Variants in WDR27 observed in about 807,000 individuals in gnomAD.
WDR27 encodes WD repeat-containing protein 27.
A neutral mutation model predicts 114.4 loss-of-function variants in WDR27; 100 were observed. The ratio of observed to expected loss-of-function variants is 0.87; its 90% CI spans 0.74 to 1.03. The LOEUF (loss-of-function observed/expected upper bound fraction) is 1.03, where lower values mean the gene tolerates loss of function less well. WDR27 is among the 50% of genes least tolerant of loss of function. The pLI is 0.00. For synonymous variants in WDR27, 449 were observed against 423.1 expected (o/e 1.06, Z -0.75); for missense variants, 1,129 against 1,092.9 (o/e 1.03, Z -0.47).
At chr6:169,617,284 T>C (rs746500229) in intron 21 of WDR27, among the ~76,000 whole-genome samples, 1 of 152,184 alleles carries the variant, frequency 6.6e-6, no homozygotes, top group Non-Finnish European at 1.5e-5. Context: ...ATAGGCAAGC[T>C]TGAGGAGGCG....
chr6:169,658,296 G>C lies in WDR27; in HGVS notation c.1382C>G (p.Ala461Gly). ...CTGACCACGTCGCTGTTCACTAGCA[G>C]CCTTGGTACTCTTCTCCTTGGCAAT... is the stretch of plus-strand genomic sequence containing the variant. ...LGIAKEKSTKAASEQRRAARN... is the reference protein window; with the variant it reads ...LGIAKEKSTKGASEQRRAARN... The change falls in exon 13 of 26, where the codon GCT becomes GGT. Residue 461 changes from alanine (A) to glycine (G), a missense_variant. Physicochemically the swap from Ala to Gly is moderately conservative, Grantham distance 60 (BLOSUM62 0). Coordinates refer to ENST00000448612, the MANE Select transcript of WDR27 (RefSeq NM_182552.5). 1 of 1,601,706 alleles carries C rather than the reference G, an allele frequency of 6.2e-7. No individual in the cohort carries two copies. The highest frequency in any genetic ancestry group is 2.2e-5 in the East Asian group (1 of 44,578).
intron 17 of WDR27, among the ~76,000 whole-genome samples, chr6:169,642,290 A>G (rs1584827556): frequency 6.6e-6 from 1 of 151,030 alleles, no homozygotes; most frequent in Non-Finnish European, 1.5e-5. Context: ...TGAGATGGTT[A>G]AATGTGGCCC....
chr6:169,446,570 G>A, the WDR27 span, among the ~76,000 whole-genome samples: 2 of 152,190 alleles, frequency 1.3e-5, no homozygotes, highest in Non-Finnish European at 2.9e-5. Context: ...GGGAGAAAAT[G>A]CCTTTTTTAT....
intron 25 of WDR27, among the ~76,000 whole-genome samples, chr6:169,513,231 C>G (rs974662268): frequency 6.6e-5 from 10 of 152,000 alleles, no homozygotes; most frequent in Non-Finnish European, 1.5e-4. Context: ...TGAGGTGGGC[C>G]CCTCACAGTG....
chr6:169,531,201 T>G (rs542293989), intron 25 of WDR27, among the ~76,000 whole-genome samples: 2 of 152,348 alleles, frequency 1.3e-5, no homozygotes, highest in Admixed American at 1.3e-4. Flanking sequence ...ATAAGTGAAT[T>G]GATGCTGGTT....
intron 25 of WDR27, among the ~76,000 whole-genome samples, chr6:169,461,617 G>C (rs1276629821): frequency 1.3e-5 from 2 of 150,658 alleles, no homozygotes; most frequent in Non-Finnish European, 3.0e-5. Flanking sequence ...CAATGTTAAG[G>C]GGGGAATTTA....
intron 25 of WDR27, among the ~76,000 whole-genome samples, chr6:169,494,714 C>T (rs904390669): frequency 1.3e-5 from 2 of 152,144 alleles, no homozygotes; most frequent in Admixed American, 1.3e-4. Flanking sequence ...TTTTGAGCAC[C>T]ACCAAGTCAG....
chr6:169,689,066 A>C, intron 1 of WDR27, 54 bp from the exon 2 acceptor site: 2 of 1,340,876 alleles, frequency 1.5e-6, no homozygotes, highest in Admixed American at 5.2e-5. Flanking sequence ...TTAATACAGA[A>C]AAAAAGTCTA....
rs1825481146 is a variant in WDR27, at chr6:169,659,745, C to T, written c.1130-227G>A. ...CACACACCAGGCCCTGAGCGTCACA[C>T]ATGCCAGGCTCCGCTCTGAGGCTGG... On this transcript the variant is annotated intron_variant, in intron 10 of 25. Coordinates refer to ENST00000448612, the MANE Select transcript of WDR27 (RefSeq NM_182552.5). The surrounding 1 kb of genome is among the most constrained non-coding windows in gnomAD (Gnocchi z 4.3). 6.6e-6 allele frequency among the ~76,000 whole-genome samples: 1 copy of T among 152,134 alleles called. No homozygotes were observed. The highest frequency in any genetic ancestry group is 1.5e-5 in the Non-Finnish European group (1 of 68,016).
chr6:169,605,575 A>G (rs559681675), intron 22 of WDR27, among the ~76,000 whole-genome samples: 78 of 135,216 alleles, frequency 5.8e-4, no homozygotes, highest in African/African-American at 2.0e-3. Context: ...CTTTCAAAAT[A>G]CCAATGTCAT....
At chr6:169,612,429 AAACAAACAAACG>A (rs374701495) in intron 22 of WDR27, among the ~76,000 whole-genome samples, 3,312 of 147,874 alleles carry the variant, frequency 0.022, 69 homozygotes, top group East Asian at 0.087. Context: ...CTCCGTCTCA[AAACAAACAAACG>A]AACAAACAAA....
At chr6:169,632,527 T>C (rs1816680793) in intron 21 of WDR27, among the ~76,000 whole-genome samples, 1 of 152,182 alleles carries the variant, frequency 6.6e-6, no homozygotes. Flanking sequence ...CTGTGGATAT[T>C]TGTAAACTTT....
intron 25 of WDR27, among the ~76,000 whole-genome samples, chr6:169,561,195 T>G (rs1015814566): frequency 6.6e-6 from 1 of 152,004 alleles, no homozygotes; most frequent in Admixed American, 6.6e-5. Flanking sequence ...TCATAGACAG[T>G]GCCTTCTCAC....
chr6:169,543,665 T>C (rs997678794), intron 25 of WDR27, among the ~76,000 whole-genome samples: 5 of 152,164 alleles, frequency 3.3e-5, no homozygotes, highest in Non-Finnish European at 7.4e-5. Context: ...GGGTTGAAGA[T>C]ATGAGGTTGG....
Position 169,585,456 on chromosome 6 carries a change from C to A in WDR27, c.2425-2522G>T, listed in dbSNP as rs188304445. 4.5e-3 allele frequency among the ~76,000 whole-genome samples: 683 copies of A among 152,240 alleles called. 4 individuals are homozygous for A. The highest frequency in any genetic ancestry group is 6.8e-3 in the Middle Eastern group (2 of 294). ...TACAAATAAATGTCTGATATACAGT[C>A]GACCCTTGAGCAACATGGTGGCTAG... On this transcript the variant is annotated intron_variant, in intron 23 of 25. Transcript: ENST00000448612.
intron 25 of WDR27, among the ~76,000 whole-genome samples, chr6:169,527,095 A>G (rs1026948956): frequency 6.6e-6 from 1 of 152,252 alleles, no homozygotes; most frequent in Non-Finnish European, 1.5e-5. Context: ...CAATTCTTCC[A>G]ACAGTTAAAC....
intron 25 of WDR27, among the ~76,000 whole-genome samples, chr6:169,563,303 A>T (rs1432898327): frequency 6.6e-6 from 1 of 152,114 alleles, no homozygotes; most frequent in Non-Finnish European, 1.5e-5. Context: ...GGTGAAAAAG[A>T]CAAAACAAAG....
chr6:169,679,692 G>C (rs1781002835), intron 2 of WDR27, among the ~76,000 whole-genome samples: 1 of 152,192 alleles, frequency 6.6e-6, no homozygotes, highest in Admixed American at 6.5e-5. Context: ...GGTTCCTGCA[G>C]TCCTAATTAA....
At chr6:169,514,756 G>T (rs945764029) in intron 25 of WDR27, among the ~76,000 whole-genome samples, 1 of 100,614 alleles carries the variant, frequency 9.9e-6, no homozygotes, top group East Asian at 2.7e-4. Context: ...GAAAAAAAGA[G>T]AATATATATA....
Sources: allele counts gnomAD v4.1 joint callset (sites outside exome capture counted in the v4.1 genomes callset), GRCh38; gene constraint gnomAD v4.1.1; non-coding constraint Gnocchi (gnomAD v3.1); transcripts MANE v1.5; gene names NCBI Gene and HGNC (gene_info 2026-07-23, HGNC 2026-07-21).